The following ZNF469 variants were observed in gnomAD, a reference collection of about 807,000 sequenced individuals.
ZNF469 encodes zinc finger protein 469.
Under a neutral mutation model 1.0 loss-of-function variants are expected in ZNF469, and 1 was observed. That is an observed-to-expected ratio of 1.00 (90% CI 0.35 to 4.73). The LOEUF (loss-of-function observed/expected upper bound fraction) is 4.73. Ranked by LOEUF, ZNF469 falls within the 30% of genes most tolerant of loss-of-function variation. The pLI is 0.16. For missense variants in ZNF469, 6,100 were observed against 5,356.3 expected (o/e 1.14, Z -4.33); for synonymous variants, 2,703 against 2,363.4 (o/e 1.14, Z -4.17).
In ZNF469 at chr16:88,434,794, C is replaced by A; in HGVS notation, c.7324C>A (p.Gln2442Lys). The change falls in exon 3 of 3, where the codon CAA becomes AAA. Residue 2442 changes from glutamine to lysine, a missense_variant. By Grantham distance (53) the Gln-to-Lys change is moderately conservative. Coordinates refer to ENST00000565624, the MANE Select transcript of ZNF469 (RefSeq NM_001367624.2). ...QTPQGDPLGP[Q>K]DLKQRSRGYK... ...TCCCCAGGGGGACCCCCTCGGCCCC[C>A]AAGACCTCAAACAGAGGTCCCGTGG... 7 of 1,550,376 alleles carry A rather than the reference C, an allele frequency of 4.5e-6. No homozygotes were observed. Among genetic ancestry groups the A allele is most frequent in the Non-Finnish European group, 6.1e-6 (7 of 1,146,984 alleles).
intron 1 of ZNF469, among the ~76,000 whole-genome samples, chr16:88,420,172 T>G (rs4782360): frequency 0.97 from 147,658 of 152,322 alleles, 71,580 homozygotes; most frequent in East Asian, 1. Flanking sequence ...CCCCCTCGCC[T>G]GGAACCCCAC....
the ZNF469 span, among the ~76,000 whole-genome samples, chr16:88,147,444 C>T: frequency 1.3e-5 from 2 of 152,180 alleles, no homozygotes; most frequent in Admixed American, 6.5e-5. Flanking sequence ...GGGTGGGGAG[C>T]ACCGACTGGG....
At position 88,424,629 on chromosome 16, in the gene ZNF469, C is replaced by T. The variant is rs1025064301; in HGVS notation, c.-191-178C>T. 2.6e-5 allele frequency among the ~76,000 whole-genome samples: 4 copies of T among 152,044 alleles called. No individual in the cohort carries two copies. Among genetic ancestry groups the T allele is most frequent in the African/African-American group, 9.7e-5 (4 of 41,402 alleles). On this transcript the variant is annotated intron_variant, in intron 1 of 2. Transcript: ENST00000565624. This position sits in a 1 kb window ranked among gnomAD's most constrained non-coding sequence, Gnocchi z 4.3. ...GGTCCCCCGGGCCAGCTGAGCTGCCCGCTGGCCTCTGAGGGGAGCTCACCC... is the reference window on the plus strand; with the variant it reads ...GGTCCCCCGGGCCAGCTGAGCTGCCTGCTGGCCTCTGAGGGGAGCTCACCC...
At chr16:88,168,470 C>T in the ZNF469 span, among the ~76,000 whole-genome samples, 2 of 151,294 alleles carry the variant, frequency 1.3e-5, no homozygotes, top group Non-Finnish European at 2.9e-5. The surrounding 1 kb of genome is among the most constrained non-coding windows in gnomAD (Gnocchi z 4.3). Context: ...TGTGTGGGGT[C>T]GCTCATGTGT....
At chr16:88,381,262 TCA>T (rs1239006200), upstream of ZNF469, among the ~76,000 whole-genome samples, 7 of 96,110 alleles carry the variant, frequency 7.3e-5, no homozygotes, top group South Asian at 3.6e-4. Flanking sequence ...TCACACGCAC[TCA>T]CACAGACATG....
At chr16:88,316,671 C>T in the ZNF469 span, among the ~76,000 whole-genome samples, 6 of 151,242 alleles carry the variant, frequency 4.0e-5, no homozygotes, top group Non-Finnish European at 7.4e-5. Flanking sequence ...CTCAGCCTCC[C>T]GAGTGGCTGG....
At chr16:88,194,412 G>T in the ZNF469 span, 2 of 152,258 alleles carry the variant, frequency 1.3e-5, no homozygotes, top group African/African-American at 4.8e-5. Context: ...TTCTCTGCAC[G>T]CACCAGGCAG....
the ZNF469 span, among the ~76,000 whole-genome samples, chr16:88,221,021 G>A: frequency 6.6e-6 from 1 of 152,308 alleles, no homozygotes; most frequent in South Asian, 2.1e-4. Context: ...CCAGAGGGAA[G>A]GACCACCCAG....
intron 2 of ZNF469, among the ~76,000 whole-genome samples, chr16:88,425,488 G>C (rs1042744905): frequency 6.6e-6 from 1 of 152,210 alleles, no homozygotes; most frequent in Non-Finnish European, 1.5e-5. Flanking sequence ...TGCAGGGCAG[G>C]AGATGTGCAG....
chr16:88,228,368 G>C, the ZNF469 span, among the ~76,000 whole-genome samples: 1 of 152,250 alleles, frequency 6.6e-6, no homozygotes, highest in Non-Finnish European at 1.5e-5. Flanking sequence ...TCTGGGCCCT[G>C]GGGTGTGTGT....
chr16:88,432,445 C>A lies in ZNF469; in HGVS notation c.4975C>A (p.Pro1659Thr). 2 of 1,550,246 alleles carry A rather than the reference C, an allele frequency of 1.3e-6. No homozygotes were observed. The highest frequency in any genetic ancestry group is 1.7e-6 in the Non-Finnish European group (2 of 1,146,980). ...AVQGRPGGTWPCPASFHPGHA... is the reference protein window; with the variant it reads ...AVQGRPGGTWTCPASFHPGHA... ...TCAGGGGAGGCCTGGGGGGACGTGG[C>A]CCTGCCCAGCCTCCTTCCATCCGGG... The change falls in exon 3 of 3, where the codon CCC (proline) becomes ACC (threonine). Residue 1659 changes from proline to threonine, a missense_variant. By Grantham distance (38) the Pro-to-Thr change is conservative (BLOSUM62 -1). Coordinates refer to ENST00000565624, the MANE Select transcript of ZNF469 (RefSeq NM_001367624.2).
chr16:88,145,804 G>T, the ZNF469 span, among the ~76,000 whole-genome samples: 1 of 152,230 alleles, frequency 6.6e-6, no homozygotes, highest in Non-Finnish European at 1.5e-5. Flanking sequence ...GGAGATGGAC[G>T]GGCTCCCCCT....
At chr16:88,280,359 T>C in the ZNF469 span, among the ~76,000 whole-genome samples, 1 of 152,118 alleles carries the variant, frequency 6.6e-6, no homozygotes, top group South Asian at 2.1e-4. Context: ...TGGTCAGTAC[T>C]GTGCTGATGT....
the ZNF469 span, among the ~76,000 whole-genome samples, chr16:88,334,400 G>T: frequency 1.3e-5 from 2 of 152,178 alleles, no homozygotes; most frequent in Non-Finnish European, 2.9e-5. Context: ...GCCTTACGCT[G>T]ACCAGTTGAG....
chr16:88,388,459 G>GT (rs71391384), intron 1 of ZNF469, among the ~76,000 whole-genome samples: 45,360 of 152,194 alleles, frequency 0.3, 7,263 homozygotes, highest in Non-Finnish European at 0.35. Context: ...CCTGAGCGGG[G>GT]TTTTCCGCAT....
the ZNF469 span, among the ~76,000 whole-genome samples, chr16:88,357,459 G>C: frequency 1.2e-4 from 19 of 152,234 alleles, no homozygotes; most frequent in African/African-American, 4.1e-4. Context: ...TCTCATCCCG[G>C]CCCTGATCCT....
intron 1 of ZNF469, among the ~76,000 whole-genome samples, chr16:88,397,348 G>A (rs564544550): frequency 6.6e-6 from 1 of 152,326 alleles, no homozygotes; most frequent in African/African-American, 2.4e-5. Flanking sequence ...AGTCCCACTC[G>A]GGGCTTGTGG....
the ZNF469 span, among the ~76,000 whole-genome samples, chr16:88,245,435 G>A: frequency 2.2e-4 from 34 of 152,366 alleles, no homozygotes; most frequent in East Asian, 2.5e-3. Context: ...CCGTCCTCCC[G>A]CAGCCGCTGT....
chr16:88,325,245 C>CT, the ZNF469 span, among the ~76,000 whole-genome samples: 3 of 151,728 alleles, frequency 2.0e-5, no homozygotes, highest in African/African-American at 7.3e-5. Context: ...AAGTCCTCAC[C>CT]GGCACACTCC....
Sources: gnomAD v4.1 joint callset for allele counts (sites outside exome capture counted in the v4.1 genomes callset) on GRCh38, gnomAD v4.1.1 for gene constraint, Gnocchi (gnomAD v3.1) non-coding constraint, MANE v1.5 for transcripts, NCBI Gene and HGNC (gene_info 2026-07-23, HGNC 2026-07-21) for gene names.